SUFU: variants seen among roughly 807,000 people sequenced by gnomAD.
The protein encoded by SUFU is SUFU negative regulator of hedgehog signaling.
In SUFU, 7 loss-of-function variants were observed where a neutral mutation model predicts 58.9. The ratio of observed to expected loss-of-function variants is 0.12; its 90% confidence interval spans 0.07 to 0.22. The LOEUF (loss-of-function observed/expected upper bound fraction) is 0.22, where lower values mean the gene tolerates loss of function less well. Ranked by LOEUF, SUFU falls within the 10% of genes least tolerant of loss-of-function variation. The pLI is 1.00. For missense variants in SUFU, 451 were observed against 641.3 expected (o/e 0.70, Z 3.20); for synonymous variants, 232 against 254.8 (o/e 0.91, Z 0.85).
Position 102,504,036 on chromosome 10 carries a change from G to T in SUFU, c.-117G>T. 7.3e-7 allele frequency: 1 copy of T among 1,361,722 alleles called. No individual in the cohort carries two copies. The highest frequency in any genetic ancestry group is 9.6e-7 in the Non-Finnish European group (1 of 1,037,668). 84.4% of individuals were successfully genotyped at this position (1,361,722 alleles called of 1,614,324 possible). ...GTGCGCAGGCGCGGAGCTAGACCTC[G>T]CTGCAGCCCCCATCGCCTCGGGGAG... On this transcript the variant is annotated 5_prime_UTR_variant, in exon 1 of 12. Transcript: ENST00000369902.
intron 8 of SUFU, among the ~76,000 whole-genome samples, chr10:102,614,159 G>C (rs944105469): frequency 6.6e-6 from 1 of 152,224 alleles, no homozygotes; most frequent in African/African-American, 2.4e-5. Flanking sequence ...ATCTCATGGT[G>C]CTCAGAGCTA....
chr10:102,526,326 G>C (rs369504567), intron 2 of SUFU, among the ~76,000 whole-genome samples: 1 of 152,158 alleles, frequency 6.6e-6, no homozygotes. Context: ...GCCACGGGGG[G>C]GTGGATCACT....
chr10:102,527,148 A>G (rs1026852866), intron 2 of SUFU, among the ~76,000 whole-genome samples: 1 of 151,750 alleles, frequency 6.6e-6, no homozygotes, highest in Non-Finnish European at 1.5e-5. Context: ...GACCACAGGC[A>G]CCCACCACCA....
chr10:102,610,646 A>G (rs1301096332), intron 8 of SUFU, among the ~76,000 whole-genome samples: 2 of 152,222 alleles, frequency 1.3e-5, no homozygotes, highest in Admixed American at 1.3e-4. Context: ...CTGTCTGCCT[A>G]GCCCTTTCCT....
Position 102,566,016 on chromosome 10 carries a change from C to T in SUFU, c.454+15910C>T, listed in dbSNP as rs546554381. On this transcript the variant is annotated intron_variant, in intron 3 of 11. Coordinates refer to ENST00000369902, the MANE Select transcript of SUFU (RefSeq NM_016169.4). ...ATGCTTTCTGCAGAGGGCAGTGAAG[C>T]CCACTGGCAAGCAGAGATTGCCGCT... Among the ~76,000 whole-genome samples, 302 of 152,266 alleles carry T rather than the reference C, an allele frequency of 2.0e-3. 2 individuals carry two copies. Among genetic ancestry groups the T allele is most frequent in the African/African-American group, 6.7e-3 (280 of 41,558 alleles).
intron 2 of SUFU, 77 bp downstream of exon 2, chr10:102,509,380 T>C (rs1028667150): frequency 6.9e-6 from 11 of 1,583,070 alleles, no homozygotes; most frequent in Non-Finnish European, 9.5e-6. Context: ...AATGTCATAG[T>C]GCTGTGAGCA....
chr10:102,509,401 C>T lies in SUFU; in HGVS notation c.317+98C>T, dbSNP rs557370025. The T allele has an allele frequency of 2.6e-6, 4 of 1,531,544 alleles. No homozygotes were observed. In the South Asian group the frequency reaches 4.5e-5, roughly 17 times the overall value. 94.9% of individuals were successfully genotyped at this position (1,531,544 alleles called of 1,614,324 possible). A position where few individuals can be genotyped will look rare whatever the true frequency, so the allele number is the denominator to read the frequency against. On this transcript the variant is annotated intron_variant, in intron 2 of 11. Transcript: ENST00000369902. Reference sequence around the variant, plus strand: ...ATAGTGCTGTGAGCATGGTACTTCTCCGTGGAACCTCTGCATTTCTGCCCT... The same window carrying T: ...ATAGTGCTGTGAGCATGGTACTTCTTCGTGGAACCTCTGCATTTCTGCCCT...
intron 8 of SUFU, among the ~76,000 whole-genome samples, chr10:102,602,031 C>T (rs1211405891): frequency 6.6e-6 from 1 of 152,196 alleles, no homozygotes. Context: ...CAGCCGGGTG[C>T]CGGCCTACTT....
intron 2 of SUFU, among the ~76,000 whole-genome samples, chr10:102,528,982 A>G (rs1485514088): frequency 8.6e-6 from 1 of 116,916 alleles, no homozygotes; most frequent in East Asian, 2.4e-4. Flanking sequence ...TTTTTTTAAG[A>G]TTATATAAAA....
At chr10:102,578,984 A>T (rs897041292) in intron 3 of SUFU, among the ~76,000 whole-genome samples, 8 of 152,136 alleles carry the variant, frequency 5.3e-5, no homozygotes, top group Admixed American at 4.6e-4. Context: ...GCTCAGTTAC[A>T]AGCTTGTGGG....
chr10:102,581,414 C>T (rs903177805), intron 3 of SUFU, among the ~76,000 whole-genome samples: 9 of 152,138 alleles, frequency 5.9e-5, no homozygotes, highest in African/African-American at 2.2e-4. Context: ...TTTTCTCCTC[C>T]TCTCACTGGG....
chr10:102,630,105 C>G lies in SUFU; in HGVS notation c.1405C>G (p.Leu469Val). 6.2e-7 allele frequency: 1 copy of G among 1,614,236 alleles called. No individual in the cohort carries two copies. The highest frequency in any genetic ancestry group is 8.5e-7 in the Non-Finnish European group (1 of 1,180,036). ...PKEYSWPEKK[L>V]KVSILPDVVF... ...AGAGTACAGCTGGCCTGAAAAGAAG[C>G]TGAAGGTCTCCATCCTGCCTGACGT... The change falls in exon 12 of 12, where the codon CTG becomes GTG. Residue 469 changes from leucine to valine, a missense_variant. By Grantham distance (32) the Leu-to-Val change is conservative (BLOSUM62 1). Transcript: ENST00000369902.
intron 8 of SUFU, among the ~76,000 whole-genome samples, chr10:102,610,207 A>G (rs2063607529): frequency 6.6e-6 from 1 of 151,824 alleles, no homozygotes; most frequent in Non-Finnish European, 1.5e-5. Context: ...AGCCTGGCCA[A>G]TATGGTGAAA....
chr10:102,554,948 C>G (rs1259392695), intron 3 of SUFU, among the ~76,000 whole-genome samples: 2 of 152,188 alleles, frequency 1.3e-5, no homozygotes, highest in African/African-American at 4.8e-5. Flanking sequence ...TACCTGCAAT[C>G]ATTATCATTA....
chr10:102,568,958 A>C (rs1488804609), intron 3 of SUFU, among the ~76,000 whole-genome samples: 18 of 108,598 alleles, frequency 1.7e-4, no homozygotes, highest in African/African-American at 6.3e-4. Context: ...ATATATATAT[A>C]TATATCTATA....
In SUFU at chr10:102,617,805, A is replaced by C; in HGVS notation, c.1296+377A>C. On this transcript the variant is annotated intron_variant, in intron 10 of 11. Transcript: ENST00000369902. This position sits in a 1 kb window ranked among gnomAD's most constrained non-coding sequence, Gnocchi z 4.4. ...CAAGATGGGAGGATGTGTGGAGGCC[A>C]CTCTCCAATGGCTACATGGAAATCC... 4.1e-6 allele frequency: 2 copies of C among 490,890 alleles called. No individual in the cohort carries two copies. Among genetic ancestry groups the C allele is most frequent in the Non-Finnish European group, 7.1e-6 (2 of 280,046 alleles). The allele number at this position is 490,890 out of a possible 1,614,324, so 30.4% of individuals were successfully genotyped here. A position where few individuals can be genotyped will look rare whatever the true frequency, so the allele number is the denominator to read the frequency against.
intron 2 of SUFU, among the ~76,000 whole-genome samples, chr10:102,544,350 GT>G (rs1472845883): frequency 6.6e-6 from 1 of 152,064 alleles, no homozygotes; most frequent in African/African-American, 2.4e-5. Context: ...TAATTCATTG[GT>G]TTTTAAGTAT....
intron 3 of SUFU, among the ~76,000 whole-genome samples, chr10:102,565,343 T>C (rs1314805831): frequency 6.6e-6 from 1 of 152,110 alleles, no homozygotes; most frequent in Non-Finnish European, 1.5e-5. Flanking sequence ...TCCCGAGAAA[T>C]GAGTTGCCTT....
intron 3 of SUFU, among the ~76,000 whole-genome samples, chr10:102,581,230 C>A (rs2063276503): frequency 7.1e-6 from 1 of 140,144 alleles, no homozygotes; most frequent in African/African-American, 2.7e-5. Context: ...AGAAATTAGG[C>A]ATGGGTTTTA....
Sources: allele counts gnomAD v4.1 joint callset (sites outside exome capture counted in the v4.1 genomes callset), GRCh38; gene constraint gnomAD v4.1.1; non-coding constraint Gnocchi (gnomAD v3.1); transcripts MANE v1.5; gene names NCBI Gene and HGNC (gene_info 2026-07-23, HGNC 2026-07-21).